DIAPH3: variants seen among roughly 807,000 people sequenced by gnomAD.
DIAPH3 encodes diaphanous related formin 3, also known as protein diaphanous homolog 3.
In DIAPH3, 117 loss-of-function variants were observed where a neutral mutation model predicts 144.3. The ratio of observed to expected loss-of-function variants is 0.81; its 90% CI spans 0.70 to 0.95. The LOEUF (loss-of-function observed/expected upper bound fraction) is 0.95, where lower values mean the gene tolerates loss of function less well. DIAPH3 is among the 40% of genes least tolerant of loss of function. The probability of loss-of-function intolerance (pLI) is 0.00; values close to 1 mark genes in which losing one functional copy is unlikely to be tolerated. For missense variants in DIAPH3, 1,421 were observed against 1,412.7 expected (o/e 1.01, Z -0.09); for synonymous variants, 519 against 488.9 (o/e 1.06, Z -0.81).
At chr13:59,923,925 T>G (rs2047637841) in intron 18 of DIAPH3, among the ~76,000 whole-genome samples, 1 of 152,180 alleles carries the variant, frequency 6.6e-6, no homozygotes, top group African/African-American at 2.4e-5. Flanking sequence ...ACTCTCTCTT[T>G]AATCAGTAGC....
chr13:59,861,763 T>C lies in DIAPH3; in HGVS notation c.2608-227A>G, dbSNP rs945204814. 9.4e-4 allele frequency among the ~76,000 whole-genome samples: 143 copies of C among 152,266 alleles called. 2 individuals carry two copies. Among genetic ancestry groups the C allele is most frequent in the African/African-American group, 3.2e-3 (135 of 41,554 alleles). On this transcript the variant is annotated intron_variant, in intron 21 of 27. Coordinates refer to ENST00000400324, the MANE Select transcript of DIAPH3 (RefSeq NM_001042517.2). ...AAAAAGGAATAAGTTTAATCGAGCA[T>C]GCAATGTTTTATAGAAAAAAATATG... is the stretch of plus-strand genomic sequence containing the variant.
chr13:59,774,141 AT>A, intron 27 of DIAPH3, 47 bp downstream of exon 27: 1 of 1,569,002 alleles, frequency 6.4e-7, no homozygotes, highest in Non-Finnish European at 8.7e-7. Flanking sequence ...GATCAATAGG[AT>A]AAAAGTAGAT....
At chr13:59,767,477 C>G (rs2037914080) in intron 27 of DIAPH3, among the ~76,000 whole-genome samples, 1 of 151,516 alleles carries the variant, frequency 6.6e-6, no homozygotes, top group African/African-American at 2.4e-5. Flanking sequence ...ACCAACATAT[C>G]CTTTTACCAG....
intron 1 of DIAPH3, among the ~76,000 whole-genome samples, chr13:60,153,836 T>C (rs1473187001): frequency 6.6e-6 from 1 of 152,166 alleles, no homozygotes; most frequent in Non-Finnish European, 1.5e-5. Context: ...CAAGTCCATA[T>C]TGGAGTATCA....
intron 27 of DIAPH3, among the ~76,000 whole-genome samples, chr13:59,714,305 A>C (rs1424633339): frequency 4.9e-5 from 7 of 143,418 alleles, no homozygotes; most frequent in African/African-American, 1.6e-4. Flanking sequence ...GCTTGCAGTG[A>C]GCCGAGATCC....
At chr13:60,010,751 A>C (rs1261209286) in intron 7 of DIAPH3, 82 bp from the exon 8 acceptor site, 9 of 1,376,948 alleles carry the variant, frequency 6.5e-6, no homozygotes, top group Non-Finnish European at 9.1e-6. Context: ...AGTTATTAAA[A>C]AAAATTTATA....
intron 20 of DIAPH3, among the ~76,000 whole-genome samples, chr13:59,901,269 G>T (rs1393686538): frequency 6.6e-6 from 1 of 152,224 alleles, no homozygotes; most frequent in Non-Finnish European, 1.5e-5. Context: ...GGCCATGCAT[G>T]ATCAAGGCCC....
At chr13:60,006,994 A>G (rs1476078788) in intron 9 of DIAPH3, among the ~76,000 whole-genome samples, 1 of 152,134 alleles carries the variant, frequency 6.6e-6, no homozygotes, top group Non-Finnish European at 1.5e-5. Context: ...GCTATTCACT[A>G]ACACTGTCAT....
rs772125942 is a variant in DIAPH3 at position 59,774,229 on chromosome 13, A to C, written c.3279T>G (p.Ser1093Arg). ...TCAGAACAGGCCTCTGAGACATTGG[A>C]CTGAGACTCTGCCGAACATCTGTTA... is the stretch of plus-strand genomic sequence containing the variant. ...PMPKDVRQSL[S>R]PMSQRPVLKV... Residue 1093 changes from serine (S) to arginine (R), a missense_variant, in exon 27 of 28, where the codon AGT becomes AGG. Transcript: ENST00000400324. 1.4e-5 allele frequency: 23 copies of C among 1,613,096 alleles called. No individual in the cohort carries two copies. In the Admixed American group the frequency reaches 1.7e-4, roughly 12 times the overall value.
chr13:59,859,607 TG>T (rs2043457598), intron 22 of DIAPH3, among the ~76,000 whole-genome samples: 1 of 152,204 alleles, frequency 6.6e-6, no homozygotes, highest in African/African-American at 2.4e-5. Context: ...GTACCTACCA[TG>T]TTTTCATCCA....
chr13:60,062,469 TTTCTGTA>T, intron 4 of DIAPH3, among the ~76,000 whole-genome samples: 1 of 152,204 alleles, frequency 6.6e-6, no homozygotes, highest in Non-Finnish European at 1.5e-5. Context: ...TAAACCAGTG[TTTCTGTA>T]TACTATTTCC....
chr13:60,092,549 G>A (rs1419142002), intron 4 of DIAPH3, among the ~76,000 whole-genome samples: 2 of 152,160 alleles, frequency 1.3e-5, no homozygotes, highest in African/African-American at 4.8e-5. Flanking sequence ...TACTCCGGAG[G>A]CTGAGACAGG....
intron 22 of DIAPH3, among the ~76,000 whole-genome samples, chr13:59,854,623 C>G (rs1342054040): frequency 6.6e-6 from 1 of 152,120 alleles, no homozygotes; most frequent in Non-Finnish European, 1.5e-5. Flanking sequence ...AATTTTCTTT[C>G]ACCTACTTCA....
At chr13:59,751,422 A>G (rs1228203889) in intron 27 of DIAPH3, among the ~76,000 whole-genome samples, 1 of 152,210 alleles carries the variant, frequency 6.6e-6, no homozygotes, top group African/African-American at 2.4e-5. Flanking sequence ...ATTCCAGCAA[A>G]ACAATTAATC....
intron 27 of DIAPH3, among the ~76,000 whole-genome samples, chr13:59,720,595 A>C (rs1334910433): frequency 2.0e-5 from 3 of 152,192 alleles, no homozygotes; most frequent in Admixed American, 1.3e-4. Flanking sequence ...AGTATTCTGC[A>C]TGTGGCTGGT....
chr13:60,159,593 C>A (rs1348270893), intron 1 of DIAPH3, among the ~76,000 whole-genome samples: 2 of 151,122 alleles, frequency 1.3e-5, no homozygotes, highest in African/African-American at 4.9e-5. Context: ...CACTGCACTC[C>A]TGTCTGGGCA....
chr13:59,812,208 A>C (rs1178495550), intron 24 of DIAPH3, among the ~76,000 whole-genome samples: 1 of 152,156 alleles, frequency 6.6e-6, no homozygotes, highest in Non-Finnish European at 1.5e-5. Flanking sequence ...AAAAGAAACA[A>C]AAAGCACAGA....
chr13:59,886,238 T>A (rs1047874104), intron 20 of DIAPH3, among the ~76,000 whole-genome samples: 3 of 152,048 alleles, frequency 2.0e-5, no homozygotes, highest in Non-Finnish European at 4.4e-5. Flanking sequence ...GAGATTCATT[T>A]TAGTCCCTAA....
chr13:59,722,210 G>C (rs537719685), intron 27 of DIAPH3, among the ~76,000 whole-genome samples: 1 of 152,288 alleles, frequency 6.6e-6, no homozygotes, highest in South Asian at 2.1e-4. Context: ...TTAACCTACA[G>C]AGGTCCTTAG....
Sources: allele counts gnomAD v4.1 joint callset (sites outside exome capture counted in the v4.1 genomes callset), GRCh38; gene constraint gnomAD v4.1.1; transcripts MANE v1.5; gene names NCBI Gene and HGNC (gene_info 2026-07-23, HGNC 2026-07-21).